The following ST3GAL2 variants were observed in gnomAD, a reference collection of about 807,000 sequenced individuals.
ST3GAL2 encodes ST3 beta-galactoside alpha-2,3-sialyltransferase 2, also known as CMP-N-acetylneuraminate-beta-galactosamide-alpha-2,3-sialyltransferase 2.
A neutral mutation model predicts 37.5 loss-of-function variants in ST3GAL2; 16 were observed. The ratio of observed to expected loss-of-function variants is 0.43; its 90% confidence interval spans 0.29 to 0.65. The LOEUF is 0.65. Among genes scored for constraint, ST3GAL2 ranks in the 30% least tolerant of loss-of-function variants. The pLI is 0.17. For synonymous variants in ST3GAL2, 238 were observed against 202.9 expected (o/e 1.17, Z -1.47); for missense variants, 383 against 487.8 (o/e 0.79, Z 2.02).
chr16:70,417,330 G>C (rs1226276948), intron 1 of ST3GAL2, among the ~76,000 whole-genome samples: 3 of 151,634 alleles, frequency 2.0e-5, no homozygotes, highest in Non-Finnish European at 2.9e-5. Context: ...CTTCCCACAG[G>C]AACTCTCCTC....
At chr16:70,384,200 G>C (rs549360752) in intron 4 of ST3GAL2, among the ~76,000 whole-genome samples, 22 of 152,164 alleles carry the variant, frequency 1.4e-4, no homozygotes, top group Admixed American at 2.6e-4. Context: ...ATACCCAAAA[G>C]GTAGAACACA....
At chr16:70,396,628 T>C (rs2151662920) in intron 2 of ST3GAL2, among the ~76,000 whole-genome samples, 1 of 152,294 alleles carries the variant, frequency 6.6e-6, no homozygotes, top group South Asian at 2.1e-4. Flanking sequence ...ACGGGGCTCC[T>C]AGTGGCCCCA....
chr16:70,403,751 T>C (rs975764358), intron 1 of ST3GAL2, among the ~76,000 whole-genome samples: 1 of 152,086 alleles, frequency 6.6e-6, no homozygotes, highest in Non-Finnish European at 1.5e-5. Flanking sequence ...AGTCAGAGGT[T>C]GTGTGAGCTG....
At chr16:70,402,283 CAAAAAAAAAA>C (rs1042560583) in intron 1 of ST3GAL2, among the ~76,000 whole-genome samples, 14 of 40,714 alleles carry the variant, frequency 3.4e-4, no homozygotes, top group South Asian at 9.6e-4. Context: ...AACTATTTCT[CAAAAAAAAAA>C]AAAAAAAAAA....
At chr16:70,391,251 G>A (rs974786648) in intron 3 of ST3GAL2, among the ~76,000 whole-genome samples, 5 of 152,118 alleles carry the variant, frequency 3.3e-5, no homozygotes, top group African/African-American at 1.2e-4. Flanking sequence ...TTTGGGGTGG[G>A]AGGTCTCAAA....
chr16:70,403,090 C>T lies in ST3GAL2; in HGVS notation c.-1003-3557G>A, dbSNP rs200208875. On this transcript the variant is annotated intron_variant, in intron 1 of 6. Transcript: ENST00000342907. ...TATTAAAGCACTACTCTGGCTGTTGCGTAAGACTAGCAGGGAGACCAGAAA... is the reference window on the plus strand; with the variant it reads ...TATTAAAGCACTACTCTGGCTGTTGTGTAAGACTAGCAGGGAGACCAGAAA... Among the ~76,000 whole-genome samples the T allele has an allele frequency of 1.1e-4, 17 of 152,252 alleles. 1 individual carries two copies. The East Asian group carries it at 1.2e-3, about 10-fold the overall frequency.
At position 70,431,428 on chromosome 16, in the gene ST3GAL2, C is replaced by T. The variant is rs773325553; in HGVS notation, c.-1004+7521G>A. ...GGTCATGCCGCAACACCTCAGGGTC[C>T]CCTCTCTGCCCCTGGGCCCCGCAAT... On this transcript the variant is annotated intron_variant, in intron 1 of 6. Coordinates refer to ENST00000342907, the MANE Select transcript of ST3GAL2 (RefSeq NM_006927.4). Among the ~76,000 whole-genome samples the T allele has an allele frequency of 7.2e-4, 109 of 152,326 alleles. 1 individual carries two copies. The highest frequency in any genetic ancestry group is 1.1e-3 in the Admixed American group (17 of 15,302).
At chr16:70,430,649 G>T (rs1407449802) in intron 1 of ST3GAL2, among the ~76,000 whole-genome samples, 1 of 152,140 alleles carries the variant, frequency 6.6e-6, no homozygotes, top group Non-Finnish European at 1.5e-5. Context: ...CACTAAACAG[G>T]CCTGGATCCA....
At position 70,394,966 on chromosome 16, in the gene ST3GAL2, C is replaced by A; in HGVS notation, c.533+16G>T. 6.2e-7 allele frequency: 1 copy of A among 1,608,910 alleles called. No homozygotes were observed. Among genetic ancestry groups the A allele is most frequent in the Middle Eastern group, 1.8e-4 (1 of 5,558 alleles). On this transcript the variant is annotated intron_variant, in intron 3 of 6. Transcript: ENST00000342907. Reference sequence around the variant, plus strand: ...GGCCCATCCTGAGCCCACCCTTGGGCTCCACAGGGGCTCACCTCATGATGA... The same window carrying A: ...GGCCCATCCTGAGCCCACCCTTGGGATCCACAGGGGCTCACCTCATGATGA...
At chr16:70,381,910 A>C in intron 6 of ST3GAL2, 48 bp from the exon 7 acceptor site, 1 of 1,604,872 alleles carries the variant, frequency 6.2e-7, no homozygotes, top group Non-Finnish European at 8.5e-7. Flanking sequence ...GACCTGGAGG[A>C]TGGCGCGGGG....
chr16:70,381,665 G>A lies in ST3GAL2; in HGVS notation c.*24C>T, dbSNP rs369984835. 2.2e-5 allele frequency: 36 copies of A among 1,609,700 alleles called. No homozygotes were observed. Among genetic ancestry groups the A allele is most frequent in the Non-Finnish European group, 2.8e-5 (33 of 1,178,154 alleles). On this transcript the variant is annotated 3_prime_UTR_variant, in exon 7 of 7. Transcript: ENST00000342907. ...AGCCCCGGTGCCCGATAGATGGGCC[G>A]GAAGGGTCGCGGCGAGGCCCGGCTC...
In ST3GAL2 at chr16:70,381,401, G is replaced by A. The variant is rs1470340227; in HGVS notation, c.*288C>T. ...CTAACCCAAAGCATGAGGGAGTGGGGATTGAGCGGCCGCTGGCCCGCCCCC... is the reference window on the plus strand; with the variant it reads ...CTAACCCAAAGCATGAGGGAGTGGGAATTGAGCGGCCGCTGGCCCGCCCCC... On this transcript the variant is annotated 3_prime_UTR_variant, in exon 7 of 7. Coordinates refer to ENST00000342907, the MANE Select transcript of ST3GAL2 (RefSeq NM_006927.4). 2.4e-6 allele frequency: 1 copy of A among 420,878 alleles called. No homozygotes were observed. The highest frequency in any genetic ancestry group is 2.0e-5 in the African/African-American group (1 of 49,202). The allele number at this position is 420,878 out of a possible 1,614,324, so 26.1% of individuals were successfully genotyped here.
At chr16:70,382,455 T>G (rs2047412883) in intron 6 of ST3GAL2, among the ~76,000 whole-genome samples, 1 of 152,072 alleles carries the variant, frequency 6.6e-6, no homozygotes, top group Admixed American at 6.6e-5. Context: ...GCTAATTTTT[T>G]GTACTTTTAG....
At chr16:70,403,580 G>A (rs934179644) in intron 1 of ST3GAL2, among the ~76,000 whole-genome samples, 3 of 152,138 alleles carry the variant, frequency 2.0e-5, no homozygotes, top group Non-Finnish European at 2.9e-5. Context: ...TTGGGAGGCC[G>A]AGGCGGGCGG....
In ST3GAL2 at chr16:70,381,523, C is replaced by T. The variant is rs549312631; in HGVS notation, c.*166G>A. 21 of 773,410 alleles carry T rather than the reference C, an allele frequency of 2.7e-5. No homozygotes were observed. In the Admixed American group the frequency reaches 5.3e-4, roughly 20 times the overall value. The allele number at this position is 773,410 out of a possible 1,614,324, so 47.9% of individuals were successfully genotyped here. The stretch of plus-strand genomic sequence containing the variant: ...AAACAGAAGCTCCGCCCGACCGCAG[C>T]GCAGATTGGTGCCAGGCCCGGCCGG... On this transcript the variant is annotated 3_prime_UTR_variant, in exon 7 of 7. Transcript: ENST00000342907.
chr16:70,381,521 A>C lies in ST3GAL2; in HGVS notation c.*168T>G. 3 of 752,608 alleles carry C rather than the reference A, an allele frequency of 4.0e-6. No individual in the cohort carries two copies. Among genetic ancestry groups the C allele is most frequent in the Non-Finnish European group, 6.3e-6 (3 of 479,010 alleles). The allele number at this position is 752,608 out of a possible 1,614,324, so 46.6% of individuals were successfully genotyped here. The stretch of plus-strand genomic sequence containing the variant: ...AGAAACAGAAGCTCCGCCCGACCGC[A>C]GCGCAGATTGGTGCCAGGCCCGGCC... On this transcript the variant is annotated 3_prime_UTR_variant, in exon 7 of 7. Transcript: ENST00000342907.
At chr16:70,421,889 C>T (rs1405652062) in intron 1 of ST3GAL2, among the ~76,000 whole-genome samples, 1 of 152,156 alleles carries the variant, frequency 6.6e-6, no homozygotes, top group Non-Finnish European at 1.5e-5. Context: ...GCATCCCCAC[C>T]CCATATGTGG....
At chr16:70,422,340 C>T (rs760155604) in intron 1 of ST3GAL2, among the ~76,000 whole-genome samples, 9 of 152,232 alleles carry the variant, frequency 5.9e-5, no homozygotes, top group South Asian at 2.1e-4. Flanking sequence ...GAAACAGGGA[C>T]GAGAGGTGAC....
chr16:70,411,487 C>T (rs1216662384), intron 1 of ST3GAL2, among the ~76,000 whole-genome samples: 1 of 152,018 alleles, frequency 6.6e-6, no homozygotes, highest in Non-Finnish European at 1.5e-5. Context: ...GATATAATGT[C>T]TGGAGCTATG....
Sources: allele counts gnomAD v4.1 joint callset (sites outside exome capture counted in the v4.1 genomes callset), GRCh38; gene constraint gnomAD v4.1.1; transcripts MANE v1.5; gene names NCBI Gene and HGNC (gene_info 2026-07-23, HGNC 2026-07-21).